The following CLCN6 variants were observed in gnomAD, a reference collection of about 807,000 sequenced individuals.
The protein encoded by CLCN6 is H(+)/Cl(-) exchange transporter 6.
CLCN6 carries 70 observed loss-of-function variants against 109.8 expected under a neutral mutation model. The ratio of observed to expected loss-of-function variants is 0.64; its 90% confidence interval spans 0.53 to 0.78. The LOEUF (loss-of-function observed/expected upper bound fraction) is 0.78. CLCN6 is among the 30% of genes least tolerant of loss of function. The probability of loss-of-function intolerance (pLI) is 0.00; values close to 1 mark genes in which losing one functional copy is unlikely to be tolerated. For missense variants in CLCN6, 984 were observed against 1,142.3 expected (o/e 0.86, Z 2.00); for synonymous variants, 444 against 447.8 (o/e 0.99, Z 0.11).
At chr1:11,806,572 C>T in intron 1 of CLCN6, 1 of 466,658 alleles carries the variant, frequency 2.1e-6, no homozygotes, top group East Asian at 3.5e-5. Context: ...TCCAGGCCAG[C>T]TCCAGTAAAT....
At position 11,828,561 on chromosome 1, in the gene CLCN6, G is replaced by T. The variant is rs745893586; in HGVS notation, c.1058G>T (p.Cys353Phe). The change falls in exon 12 of 23, where the codon TGT (cysteine) becomes TTT (phenylalanine). Residue 353 changes from cysteine to phenylalanine, a missense_variant. Transcript: ENST00000346436. ...IGGLLGATFNCLNKRLAKYRM... is the reference protein window; with the variant it reads ...IGGLLGATFNFLNKRLAKYRM... ...GGCCTCCTGGGAGCCACATTCAACT[G>T]TCTGAACAAGAGGCTTGCAAAGTAC... 5.6e-6 allele frequency: 9 copies of T among 1,614,046 alleles called. No individual in the cohort carries two copies. Among genetic ancestry groups the T allele is most frequent in the South Asian group, 2.2e-5 (2 of 91,082 alleles).
chr1:11,818,125 G>T (rs111552246), intron 4 of CLCN6, among the ~76,000 whole-genome samples: 10 of 152,026 alleles, frequency 6.6e-5, no homozygotes, highest in African/African-American at 2.4e-4. Flanking sequence ...TTAAAAAAAA[G>T]AAATCTCAGG....
chr1:11,809,600 T>C (rs1352088135), intron 2 of CLCN6, among the ~76,000 whole-genome samples: 2 of 151,868 alleles, frequency 1.3e-5, no homozygotes, highest in African/African-American at 4.8e-5. Context: ...TGGGACTACA[T>C]GCATACACCA....
chr1:11,835,742 C>G (rs994700080), intron 17 of CLCN6, among the ~76,000 whole-genome samples: 2 of 152,278 alleles, frequency 1.3e-5, no homozygotes, highest in African/African-American at 4.8e-5. Flanking sequence ...GAGCCCGAGC[C>G]CATCAGCCTG....
At position 11,815,834 on chromosome 1, in the gene CLCN6, G is replaced by A. The variant is rs1644662389; in HGVS notation, c.148-12G>A. On this transcript the variant is annotated splice_polypyrimidine_tract_variant and intron_variant, in intron 2 of 22. Transcript: ENST00000346436. ...TGACATGACCTTTTGACTCAACTTT[G>A]CCTCTTTTCAGAGTTTGGATTATGA... 6.2e-7 allele frequency: 1 copy of A among 1,611,648 alleles called. No homozygotes were observed. The highest frequency in any genetic ancestry group is 1.3e-5 in the African/African-American group (1 of 74,852).
chr1:11,823,914 T>C lies in CLCN6; in HGVS notation c.580+81T>C, dbSNP rs886346742. 8 of 1,571,410 alleles carry C rather than the reference T, an allele frequency of 5.1e-6. No homozygotes were observed. In the African/African-American group the frequency reaches 9.5e-5, roughly 19 times the overall value. On this transcript the variant is annotated intron_variant, in intron 7 of 22. Transcript: ENST00000346436. ...AGCATGATGTATTTCAGTTATTAGATTTGGACTGCAGGGCCCAGCCTCAAA... is the reference window on the plus strand; with the variant it reads ...AGCATGATGTATTTCAGTTATTAGACTTGGACTGCAGGGCCCAGCCTCAAA...
At position 11,826,140 on chromosome 1, in the gene CLCN6, T is replaced by C. The variant is rs1226718659; in HGVS notation, c.649-16T>C. On this transcript the variant is annotated splice_polypyrimidine_tract_variant and intron_variant, in intron 8 of 22. Coordinates refer to ENST00000346436, the MANE Select transcript of CLCN6 (RefSeq NM_001286.5). Reference sequence around the variant, plus strand: ...ATGAGTAGGCTCTTTAGTGGCTCTCTTTTCTCTTGCTTTAGTTTCAGAGCA... The same window carrying C: ...ATGAGTAGGCTCTTTAGTGGCTCTCCTTTCTCTTGCTTTAGTTTCAGAGCA... 5.0e-6 allele frequency: 8 copies of C among 1,607,326 alleles called. No homozygotes were observed. Among genetic ancestry groups the C allele is most frequent in the Admixed American group, 1.7e-5 (1 of 59,650 alleles).
chr1:11,827,782 G>A (rs556255161), intron 10 of CLCN6, among the ~76,000 whole-genome samples: 1 of 152,326 alleles, frequency 6.6e-6, no homozygotes, highest in Admixed American at 6.5e-5. Flanking sequence ...AAGTGATGGG[G>A]CTTGGACTGG....
chr1:11,808,269 G>GTT (rs1553189301), intron 2 of CLCN6, among the ~76,000 whole-genome samples: 15 of 129,866 alleles, frequency 1.2e-4, no homozygotes, highest in African/African-American at 4.0e-4. Flanking sequence ...GTGTGTGTGT[G>GTT]TTTTAAAGTA....
In CLCN6 at chr1:11,806,275, A is replaced by C; in HGVS notation, c.13A>C (p.Arg5=). Residue 5 remains arginine, a synonymous_variant, in exon 1 of 23, where the codon AGG becomes CGG. Transcript: ENST00000346436. The part of the protein sequence containing the change: MAGC[R]GSLCCCCRWC... ...GTAAAGGAGGAAGATGGCGGGGTGC[A>C]GGGGGTCTCTGTGCTGCTGCTGCAG... 2 of 1,490,048 alleles carry C rather than the reference A, an allele frequency of 1.3e-6. No individual in the cohort carries two copies. The highest frequency in any genetic ancestry group is 1.8e-6 in the Non-Finnish European group (2 of 1,127,948). The allele number at this position is 1,490,048 out of a possible 1,614,324, so 92.3% of individuals were successfully genotyped here.
In CLCN6 at chr1:11,837,055, G is replaced by A. The variant is rs142766620; in HGVS notation, c.2037G>A (p.Lys679=). The change falls in exon 19 of 23, where the codon AAG becomes AAA. Residue 679 remains lysine (K), a synonymous_variant. Coordinates refer to ENST00000346436, the MANE Select transcript of CLCN6 (RefSeq NM_001286.5). The part of the protein sequence containing the change: ...GEQRKRSQSM[K]SYPSSELRNM... ...AGCGCAAACGGAGCCAGTCCATGAA[G>A]TCCTACCCATCCAGCGAGCTACGGA... 8.7e-6 allele frequency: 14 copies of A among 1,613,222 alleles called. No homozygotes were observed. The highest frequency in any genetic ancestry group is 1.1e-5 in the Non-Finnish European group (13 of 1,180,042).
intron 13 of CLCN6, chr1:11,829,871 T>A (rs1424470778): frequency 6.4e-6 from 1 of 156,694 alleles, no homozygotes; most frequent in Non-Finnish European, 1.4e-5. Context: ...GACAGCAAGG[T>A]GCTTTCTGAG....
intron 13 of CLCN6, chr1:11,830,118 CCAGAGG>C (rs1644861668): frequency 6.6e-6 from 1 of 152,374 alleles, no homozygotes; most frequent in African/African-American, 2.4e-5. Context: ...GCGATATTTT[CCAGAGG>C]CTTTCCCTGA....
intron 18 of CLCN6, among the ~76,000 whole-genome samples, chr1:11,836,750 G>C (rs1347108470): frequency 6.6e-6 from 1 of 152,164 alleles, no homozygotes; most frequent in East Asian, 1.9e-4. Flanking sequence ...GTAGGAGATG[G>C]CTTGTTCCCC....
In CLCN6 at chr1:11,837,328, G is replaced by A. The variant is rs1329289173; in HGVS notation, c.2139-15G>A. 1.2e-6 allele frequency: 2 copies of A among 1,602,578 alleles called. No homozygotes were observed. Among genetic ancestry groups the A allele is most frequent in the Non-Finnish European group, 1.7e-6 (2 of 1,170,548 alleles). On this transcript the variant is annotated splice_polypyrimidine_tract_variant and intron_variant, in intron 19 of 22. Transcript: ENST00000346436. ...CTGAGGGTATCCCAGGCAGCATCTG[G>A]TTTTTGTGTAACAGATACACTCCCT...
intron 2 of CLCN6, among the ~76,000 whole-genome samples, chr1:11,814,028 G>A (rs1191130749): frequency 6.6e-6 from 1 of 151,948 alleles, no homozygotes; most frequent in African/African-American, 2.4e-5. Context: ...TCACTTGTTG[G>A]TACTCCAGGA....
intron 13 of CLCN6, among the ~76,000 whole-genome samples, chr1:11,831,102 G>A (rs1005989406): frequency 2.0e-5 from 3 of 152,008 alleles, no homozygotes; most frequent in Admixed American, 1.3e-4. Context: ...CAAATTGCTA[G>A]GATTACAGGT....
chr1:11,835,361 C>T (rs1644930766), intron 17 of CLCN6, among the ~76,000 whole-genome samples: 1 of 152,198 alleles, frequency 6.6e-6, no homozygotes, highest in African/African-American at 2.4e-5. Context: ...CAACCTATGC[C>T]TCCCAGGCTC....
At position 11,834,416 on chromosome 1, in the gene CLCN6, C is replaced by A; in HGVS notation, c.1686+21C>A. ...TGATGGTGAGCACACTCCCTCCAGGCCCCTGTCAGGCTCAGGGCCACGTCC... is the reference window on the plus strand; with the variant it reads ...TGATGGTGAGCACACTCCCTCCAGGACCCTGTCAGGCTCAGGGCCACGTCC... On this transcript the variant is annotated intron_variant, in intron 16 of 22. Coordinates refer to ENST00000346436, the MANE Select transcript of CLCN6 (RefSeq NM_001286.5). This position sits in a 1 kb window ranked among gnomAD's most constrained non-coding sequence, Gnocchi z 4.5. 1 of 1,613,118 alleles carries A rather than the reference C, an allele frequency of 6.2e-7. No homozygotes were observed. The highest frequency in any genetic ancestry group is 1.3e-5 in the African/African-American group (1 of 75,022).
Sources: gnomAD v4.1 joint callset for allele counts (sites outside exome capture counted in the v4.1 genomes callset) on GRCh38, gnomAD v4.1.1 for gene constraint, Gnocchi (gnomAD v3.1) non-coding constraint, MANE v1.5 for transcripts, NCBI Gene and HGNC (gene_info 2026-07-23, HGNC 2026-07-21) for gene names.